The following AJAP1 variants were observed in gnomAD, a reference collection of about 807,000 sequenced individuals.
AJAP1 encodes the protein adherens junction-associated protein 1.
AJAP1 carries 5 observed loss-of-function variants against 35.0 expected under a neutral mutation model. The ratio of observed to expected loss-of-function variants is 0.14; its 90% CI spans 0.07 to 0.30. The LOEUF (loss-of-function observed/expected upper bound fraction) is 0.30. Among genes scored for constraint, AJAP1 ranks in the 10% least tolerant of loss-of-function variants. The probability of loss-of-function intolerance (pLI) is 1.00; values close to 1 mark genes in which losing one functional copy is unlikely to be tolerated. For missense variants in AJAP1, 586 were observed against 571.0 expected, an observed-to-expected ratio of 1.03 and a Z score of -0.27; for synonymous variants, 284 against 249.3, an observed-to-expected ratio of 1.14 and a Z score of -1.31.
intron 2 of AJAP1, among the ~76,000 whole-genome samples, chr1:4,735,545 G>T (rs937422461): frequency 3.3e-5 from 5 of 152,190 alleles, no homozygotes; most frequent in African/African-American, 1.2e-4. Flanking sequence ...GCTCAGAAAG[G>T]TTTAAAAAGA....
chr1:4,754,448 G>T (rs413383), intron 2 of AJAP1, among the ~76,000 whole-genome samples: 1 of 151,944 alleles, frequency 6.6e-6, no homozygotes, highest in African/African-American at 2.4e-5. Flanking sequence ...CACTAGGTTG[G>T]GACTATGTGG....
Position 4,792,207 on chromosome 1 carries a change from C to T in AJAP1, c.*9722C>T, listed in dbSNP as rs1642257954. The T allele has an allele frequency of 6.6e-6, 1 of 152,034 alleles. No homozygotes were observed. The highest frequency in any genetic ancestry group is 2.1e-4 in the South Asian group (1 of 4,830). The allele number at this position is 152,034 out of a possible 1,614,324, so 9.4% of individuals were successfully genotyped here. ...CCGTATATCTATACCACAGCTGTCTCTATAGACGTATTTATATATCATCTT... is the reference window on the plus strand; with the variant it reads ...CCGTATATCTATACCACAGCTGTCTTTATAGACGTATTTATATATCATCTT... On this transcript the variant is annotated 3_prime_UTR_variant, in exon 6 of 6. Coordinates refer to ENST00000378191, the MANE Select transcript of AJAP1 (RefSeq NM_018836.4).
chr1:4,778,080 A>AC (rs1641975479), intron 5 of AJAP1, among the ~76,000 whole-genome samples: 1 of 152,228 alleles, frequency 6.6e-6, no homozygotes, highest in Admixed American at 6.5e-5. Flanking sequence ...GCAAAAGCAG[A>AC]CAGTGGTCAT....
chr1:4,666,709 GCGGAGAGGGGCC>G (rs2100510808), intron 1 of AJAP1, among the ~76,000 whole-genome samples: 1 of 61,896 alleles, frequency 1.6e-5, no homozygotes, highest in African/African-American at 7.3e-5. Flanking sequence ...CGGGAGGGGT[GCGGAGAGGGGCC>G]TGTGAATCAC....
At chr1:4,771,260 GT>G (rs938196514) in intron 3 of AJAP1, among the ~76,000 whole-genome samples, 12 of 152,122 alleles carry the variant, frequency 7.9e-5, no homozygotes, top group Non-Finnish European at 1.6e-4. Flanking sequence ...TGCCCCCTGC[GT>G]TTGGCATTCA....
intron 1 of AJAP1, among the ~76,000 whole-genome samples, chr1:4,685,062 C>A (rs1003047040): frequency 1.3e-5 from 2 of 152,170 alleles, no homozygotes; most frequent in African/African-American, 4.8e-5. Flanking sequence ...CAGGGCTTCT[C>A]TGGAGGATGC....
chr1:4,677,983 G>T (rs1433889227), intron 1 of AJAP1, among the ~76,000 whole-genome samples: 1 of 152,170 alleles, frequency 6.6e-6, no homozygotes, highest in Non-Finnish European at 1.5e-5. Flanking sequence ...AGAGGATGTC[G>T]ATCAGCCCTG....
intron 5 of AJAP1, among the ~76,000 whole-genome samples, chr1:4,779,065 G>T (rs562304236): frequency 6.6e-6 from 1 of 152,344 alleles, no homozygotes; most frequent in African/African-American, 2.4e-5. Flanking sequence ...TACCGAAGAT[G>T]TCACCGAGCA....
chr1:4,685,480 T>C (rs1639584554), intron 1 of AJAP1, among the ~76,000 whole-genome samples: 1 of 152,254 alleles, frequency 6.6e-6, no homozygotes, highest in African/African-American at 2.4e-5. Flanking sequence ...AATGCCTGGC[T>C]GTGATGGTTT....
Position 4,790,715 on chromosome 1 carries a change from A to C in AJAP1, c.*8230A>C, listed in dbSNP as rs914475601. 1.3e-5 allele frequency: 2 copies of C among 152,220 alleles called. No homozygotes were observed. Among genetic ancestry groups the C allele is most frequent in the African/African-American group, 4.8e-5 (2 of 41,460 alleles). 9.4% of individuals were successfully genotyped at this position (152,220 alleles called of 1,614,324 possible). ...CTGTGATCCTTAAAGATGAATTCCC[A>C]GCCTGAGGTGACACACAGAGGTTCA... On this transcript the variant is annotated 3_prime_UTR_variant, in exon 6 of 6. Transcript: ENST00000378191.
chr1:4,712,784 G>T (rs1209377421), intron 2 of AJAP1, 85 bp downstream of exon 2: 1 of 1,381,330 alleles, frequency 7.2e-7, no homozygotes, highest in African/African-American at 1.4e-5. Flanking sequence ...GATGTCCCTG[G>T]GTGATGCTAT....
At chr1:4,762,766 A>G (rs1312998283) in intron 2 of AJAP1, among the ~76,000 whole-genome samples, 2 of 152,184 alleles carry the variant, frequency 1.3e-5, no homozygotes, top group East Asian at 3.9e-4. Context: ...GGCACTGTGC[A>G]ACCTTGGGAA....
At chr1:4,737,863 C>CT (rs1640965283) in intron 2 of AJAP1, among the ~76,000 whole-genome samples, 1 of 152,200 alleles carries the variant, frequency 6.6e-6, no homozygotes, top group Non-Finnish European at 1.5e-5. Flanking sequence ...GATTGCACTA[C>CT]TGCACTCCAG....
At chr1:4,700,881 C>T (rs748931725) in intron 1 of AJAP1, among the ~76,000 whole-genome samples, 1 of 152,194 alleles carries the variant, frequency 6.6e-6, no homozygotes, top group Non-Finnish European at 1.5e-5. Flanking sequence ...GGCCTCCCCT[C>T]TGTCTTCCTG....
chr1:4,734,893 A>G lies in AJAP1; in HGVS notation c.829+22194A>G, dbSNP rs772304518. ...CCTCTTCCCCGAGCACTCAGCCTCC[A>G]TCTGGCTTTCTGTCCACCGGCACAG... is the stretch of plus-strand genomic sequence containing the variant. On this transcript the variant is annotated intron_variant, in intron 2 of 5. Coordinates refer to ENST00000378191, the MANE Select transcript of AJAP1 (RefSeq NM_018836.4). This position sits in a 1 kb window ranked among gnomAD's most constrained non-coding sequence, Gnocchi z 4.3. Among the ~76,000 whole-genome samples the G allele has an allele frequency of 2.0e-5, 3 of 152,152 alleles. No individual in the cohort carries two copies. The highest frequency in any genetic ancestry group is 2.1e-4 in the South Asian group (1 of 4,826).
At chr1:4,660,454 A>G (rs577309217) in intron 1 of AJAP1, among the ~76,000 whole-genome samples, 54 of 152,024 alleles carry the variant, frequency 3.6e-4, no homozygotes, top group African/African-American at 7.0e-4. Flanking sequence ...TCGTTTTGCA[A>G]ATGTTACCAC....
chr1:4,657,544 C>A (rs1338982732), intron 1 of AJAP1, among the ~76,000 whole-genome samples: 1 of 152,208 alleles, frequency 6.6e-6, no homozygotes, highest in African/African-American at 2.4e-5. Context: ...CAAGACAGCC[C>A]TTCACCTTTG....
In AJAP1 at chr1:4,782,995, C is replaced by T. The variant is rs1031951876; in HGVS notation, c.*510C>T. The T allele has an allele frequency of 1.0e-4, 41 of 396,080 alleles. No individual in the cohort carries two copies. Among genetic ancestry groups the T allele is most frequent in the East Asian group, 7.9e-4 (22 of 27,984 alleles). The allele number at this position is 396,080 out of a possible 1,614,324, so 24.5% of individuals were successfully genotyped here. A position where few individuals can be genotyped will look rare whatever the true frequency, so the allele number is the denominator to read the frequency against. On this transcript the variant is annotated 3_prime_UTR_variant, in exon 6 of 6. Transcript: ENST00000378191. The surrounding 1 kb of genome is among the most constrained non-coding windows in gnomAD (Gnocchi z 5.3). ...GGGTGGGAATCTCTTCCGATAGAGTCGCTATTTCTGGTTAATATACATATA... is the reference window on the plus strand; with the variant it reads ...GGGTGGGAATCTCTTCCGATAGAGTTGCTATTTCTGGTTAATATACATATA...
At chr1:4,739,231 C>T (rs1459386658) in intron 2 of AJAP1, among the ~76,000 whole-genome samples, 1 of 152,230 alleles carries the variant, frequency 6.6e-6, no homozygotes, top group Non-Finnish European at 1.5e-5. Context: ...ATCTCACACA[C>T]AGCATCCCAC....
Sources: gnomAD v4.1 joint callset for allele counts (sites outside exome capture counted in the v4.1 genomes callset) on GRCh38, gnomAD v4.1.1 for gene constraint, Gnocchi (gnomAD v3.1) non-coding constraint, MANE v1.5 for transcripts, NCBI Gene and HGNC (gene_info 2026-07-23, HGNC 2026-07-21) for gene names.